The following DCC variants were observed in gnomAD, a reference collection of about 807,000 sequenced individuals.
DCC encodes the protein netrin receptor DCC.
A neutral mutation model predicts 172.5 loss-of-function variants in DCC; 58 were observed. The ratio of observed to expected loss-of-function variants is 0.34; its 90% CI spans 0.27 to 0.42. The LOEUF is 0.42. DCC is among the 10% of genes least tolerant of loss of function. The pLI, the probability that DCC is intolerant of heterozygous loss-of-function variation, is 1.00. For missense variants in DCC, 1,740 were observed against 1,791.0 expected, an observed-to-expected ratio of 0.97 and a Z score of 0.51; for synonymous variants, 709 against 644.5, an observed-to-expected ratio of 1.10 and a Z score of -1.52.
At chr18:52,784,899 A>T (rs1364763830) in intron 2 of DCC, among the ~76,000 whole-genome samples, 1 of 142,140 alleles carries the variant, frequency 7.0e-6, no homozygotes, top group Non-Finnish European at 1.5e-5. Flanking sequence ...GGTCCTAGGG[A>T]GGTGGAGGGG....
chr18:52,974,348 C>A (rs1157082050), intron 5 of DCC, among the ~76,000 whole-genome samples: 1 of 152,080 alleles, frequency 6.6e-6, no homozygotes, highest in East Asian at 1.9e-4. Flanking sequence ...AATAGGTTGT[C>A]ATTAAGGTCC....
intron 1 of DCC, among the ~76,000 whole-genome samples, chr18:52,538,467 A>G (rs1232711590): frequency 1.3e-5 from 2 of 152,144 alleles, no homozygotes; most frequent in African/African-American, 4.8e-5. Context: ...TTCCTGATGT[A>G]CCCTGTTCAA....
At chr18:52,864,978 G>A (rs1002331992) in intron 2 of DCC, among the ~76,000 whole-genome samples, 1 of 151,832 alleles carries the variant, frequency 6.6e-6, no homozygotes, top group Non-Finnish European at 1.5e-5. Context: ...CCATTCTCCT[G>A]CCTCAGCCTC....
intron 21 of DCC, among the ~76,000 whole-genome samples, chr18:53,423,418 T>C (rs1910744018): frequency 6.6e-6 from 1 of 152,130 alleles, no homozygotes; most frequent in South Asian, 2.1e-4. Flanking sequence ...ACCTTGGCTA[T>C]CTGACTGTAA....
chr18:53,149,464 GT>G (rs2043966950), intron 7 of DCC, among the ~76,000 whole-genome samples: 1 of 152,048 alleles, frequency 6.6e-6, no homozygotes, highest in South Asian at 2.1e-4. Context: ...AGGGAGCAAG[GT>G]TCATACCATT....
rs548959522 is a variant in DCC, at chr18:52,340,861, C to T, written c.74C>T (p.Ala25Val). The T allele has an allele frequency of 1.9e-6, 3 of 1,613,710 alleles. No individual in the cohort carries two copies. Among genetic ancestry groups the T allele is most frequent in the East Asian group, 2.2e-5 (1 of 44,858 alleles). The change falls in exon 1 of 29, where the codon GCG becomes GTG. Residue 25 changes from alanine (A) to valine (V), a missense_variant. Physicochemically the swap from Ala to Val is moderately conservative, Grantham distance 64. This residue lies in a region of DCC where 1,732 missense variants were observed against 1,767.4 expected (regional missense o/e 0.98). Transcript: ENST00000442544. The stretch of plus-strand genomic sequence containing the variant: ...CTCTTCGGAGCTTCCTTGTTCAGCG[C>T]GCATCTTCAAGTAACCGGTAAGTGG... ...FVLFGASLFS[A>V]HLQVTGFQIK...
chr18:53,339,450 G>C (rs1013776845), intron 14 of DCC, among the ~76,000 whole-genome samples: 1 of 152,134 alleles, frequency 6.6e-6, no homozygotes, highest in Admixed American at 6.5e-5. Flanking sequence ...GCCCAAGTAA[G>C]ACGCTATTGG....
chr18:52,505,063 G>A (rs1424034972), intron 1 of DCC, among the ~76,000 whole-genome samples: 1 of 152,116 alleles, frequency 6.6e-6, no homozygotes, highest in Non-Finnish European at 1.5e-5. Context: ...TTTTTACAGA[G>A]CACCTATTAA....
At chr18:52,796,061 C>CTTTTTTTTT (rs10634818) in intron 2 of DCC, among the ~76,000 whole-genome samples, 2 of 143,080 alleles carry the variant, frequency 1.4e-5, no homozygotes, top group African/African-American at 2.5e-5. Context: ...GGTACAGTTA[C>CTTTTTTTTT]TTTTTTTTTT....
chr18:52,987,434 G>A (rs1429547385), intron 5 of DCC, among the ~76,000 whole-genome samples: 3 of 152,164 alleles, frequency 2.0e-5, no homozygotes, highest in Non-Finnish European at 2.9e-5. Flanking sequence ...TACAACGTAA[G>A]ACCATCCCCT....
chr18:52,775,476 G>A (rs1268813102), intron 2 of DCC, among the ~76,000 whole-genome samples: 1 of 152,228 alleles, frequency 6.6e-6, no homozygotes, highest in Non-Finnish European at 1.5e-5. Flanking sequence ...TCACACGTGA[G>A]CTTGGAGAAT....
intron 1 of DCC, among the ~76,000 whole-genome samples, chr18:52,413,678 GT>G (rs1371997913): frequency 1.3e-5 from 2 of 152,068 alleles, no homozygotes; most frequent in Admixed American, 1.3e-4. Flanking sequence ...TCTCTATGAG[GT>G]TTTTAATCCT....
intron 1 of DCC, among the ~76,000 whole-genome samples, chr18:52,711,466 T>G (rs2036291111): frequency 6.6e-6 from 1 of 152,206 alleles, no homozygotes; most frequent in Non-Finnish European, 1.5e-5. Flanking sequence ...AGGACCTCAA[T>G]AAACTGTTTT....
chr18:52,713,544 G>C (rs556475797), intron 1 of DCC, among the ~76,000 whole-genome samples: 6 of 152,140 alleles, frequency 3.9e-5, no homozygotes, highest in Admixed American at 6.5e-5. Context: ...TGAGGAAGGC[G>C]TGAGATACAG....
intron 12 of DCC, among the ~76,000 whole-genome samples, chr18:53,262,198 A>G (rs571054405): frequency 9.8e-5 from 15 of 152,330 alleles, no homozygotes; most frequent in African/African-American, 3.4e-4. Flanking sequence ...GCTTTAGCCT[A>G]CACACTACTC....
chr18:53,415,540 T>A (rs964406960), intron 20 of DCC, among the ~76,000 whole-genome samples: 5 of 152,196 alleles, frequency 3.3e-5, no homozygotes, highest in African/African-American at 1.2e-4. Flanking sequence ...AATTTTTATA[T>A]TTTTAAATTT....
At chr18:53,408,384 T>C (rs1321615121) in intron 19 of DCC, among the ~76,000 whole-genome samples, 3 of 152,180 alleles carry the variant, frequency 2.0e-5, no homozygotes, top group Non-Finnish European at 2.9e-5. Context: ...CTTTTAAGCT[T>C]ATGTAATTGT....
At chr18:52,477,419 A>G (rs1409492268) in intron 1 of DCC, among the ~76,000 whole-genome samples, 1 of 152,206 alleles carries the variant, frequency 6.6e-6, no homozygotes, top group African/African-American at 2.4e-5. Context: ...TCCTGACAGA[A>G]TGCCAAAGGT....
chr18:52,716,394 G>A (rs1488703347), intron 1 of DCC, among the ~76,000 whole-genome samples: 1 of 152,216 alleles, frequency 6.6e-6, no homozygotes, highest in Non-Finnish European at 1.5e-5. Flanking sequence ...GAAGAGGAGG[G>A]CCTTTGACTT....
Sources: gnomAD v4.1 joint callset for allele counts (sites outside exome capture counted in the v4.1 genomes callset) on GRCh38, gnomAD v4.1.1 for gene constraint, gnomAD v4.1.1 regional missense constraint, MANE v1.5 for transcripts, NCBI Gene and HGNC (gene_info 2026-07-23, HGNC 2026-07-21) for gene names.